The following TASOR2 variants were observed in gnomAD, a reference collection of about 807,000 sequenced individuals.
The protein encoded by TASOR2 is protein TASOR 2.
TASOR2 carries 84 observed loss-of-function variants against 199.5 expected under a neutral mutation model. That is an observed-to-expected ratio of 0.42 (90% CI 0.35 to 0.50). The LOEUF (loss-of-function observed/expected upper bound fraction) is 0.50, where lower values mean the gene tolerates loss of function less well. TASOR2 is among the 20% of genes least tolerant of loss of function. The pLI is 0.02. For missense variants in TASOR2, 2,796 were observed against 2,835.9 expected (o/e 0.99, Z 0.32); for synonymous variants, 1,103 against 1,046.6 (o/e 1.05, Z -1.04).
At chr10:5,736,697 A>G (rs953631205) in intron 12 of TASOR2, among the ~76,000 whole-genome samples, 1 of 152,228 alleles carries the variant, frequency 6.6e-6, no homozygotes, top group Non-Finnish European at 1.5e-5. Flanking sequence ...CCTCTGTACT[A>G]GAAAGTTTTG....
At chr10:5,729,256 C>T (rs1834473148) in intron 10 of TASOR2, among the ~76,000 whole-genome samples, 1 of 152,128 alleles carries the variant, frequency 6.6e-6, no homozygotes, top group Admixed American at 6.6e-5. Flanking sequence ...GACTGAGACA[C>T]AGAATTGCTT....
Position 5,722,777 on chromosome 10 carries a change from G to T in TASOR2, c.147-900G>T, listed in dbSNP as rs1833539171. Among the ~76,000 whole-genome samples the T allele has an allele frequency of 6.6e-6, 1 of 152,196 alleles. No homozygotes were observed. Among genetic ancestry groups the T allele is most frequent in the East Asian group, 2.0e-4 (1 of 5,122 alleles). On this transcript the variant is annotated intron_variant, in intron 6 of 20. Transcript: ENST00000328090. This position sits in a 1 kb window ranked among gnomAD's most constrained non-coding sequence, Gnocchi z 4.0. ...AGTCCCAGCACTTTGGGAGGCCGAG[G>T]TGAGCAGATTGCCTGAGGTCAGGAG...
At chr10:5,702,406 G>A (rs1355341838) in intron 1 of TASOR2, among the ~76,000 whole-genome samples, 1 of 152,074 alleles carries the variant, frequency 6.6e-6, no homozygotes, top group Admixed American at 6.5e-5. Flanking sequence ...TTGGCCTGTA[G>A]TTTTCTCTTC....
intron 7 of TASOR2, 66 bp from the exon 9 acceptor site, chr10:5,724,364 C>A: frequency 4.2e-6 from 3 of 721,584 alleles, no homozygotes; most frequent in Non-Finnish European, 6.5e-6. Flanking sequence ...ATAAAATGAA[C>A]AAATTGACTG....
chr10:5,758,280 T>G (rs1450725494), intron 17 of TASOR2, among the ~76,000 whole-genome samples: 1 of 152,142 alleles, frequency 6.6e-6, no homozygotes, highest in Non-Finnish European at 1.5e-5. Context: ...TAGGCACACG[T>G]CTGTAATCCC....
At chr10:5,696,790 G>T (rs181777966) in intron 1 of TASOR2, among the ~76,000 whole-genome samples, 2 of 152,166 alleles carry the variant, frequency 1.3e-5, no homozygotes, top group East Asian at 3.9e-4. Flanking sequence ...ATTTACTTCA[G>T]GGAACAGAAG....
chr10:5,695,316 T>C (rs1021572245), intron 1 of TASOR2, among the ~76,000 whole-genome samples: 13 of 152,222 alleles, frequency 8.5e-5, no homozygotes, highest in Non-Finnish European at 1.8e-4. Context: ...TTATAAATCA[T>C]GCAAGAAAAG....
chr10:5,700,282 T>A, intron 1 of TASOR2, among the ~76,000 whole-genome samples: 1 of 152,148 alleles, frequency 6.6e-6, no homozygotes, highest in Admixed American at 6.5e-5. Context: ...ATTTTTTTTT[T>A]ATGGCTGAAT....
Position 5,742,664 on chromosome 10 carries a change from C to A in TASOR2, c.2757+138C>A. On this transcript the variant is annotated intron_variant, in intron 14 of 20. Coordinates refer to ENST00000328090, the Ensembl canonical transcript of TASOR2. The surrounding 1 kb of genome is among the most constrained non-coding windows in gnomAD (Gnocchi z 4.2). Reference sequence around the variant, plus strand: ...TCAAGGTATGTAAAGAACTATTACACCAAAAACCTAGTTTTCATGAAGTGT... The same window carrying A: ...TCAAGGTATGTAAAGAACTATTACAACAAAAACCTAGTTTTCATGAAGTGT... The A allele has an allele frequency of 1.3e-6, 1 of 787,472 alleles. No individual in the cohort carries two copies. Among genetic ancestry groups the A allele is most frequent in the South Asian group, 1.9e-5 (1 of 53,798 alleles). The allele number at this position is 787,472 out of a possible 1,614,324, so 48.8% of individuals were successfully genotyped here.
rs1835860872 is a variant in TASOR2 at position 5,737,991 on chromosome 10, C to G, written c.1448-1627C>G. Reference sequence around the variant, plus strand: ...TACATTTAAATCTCTGAATTTTTTTCTTAAGCACCTATGTTAATCATTTTA... The same window carrying G: ...TACATTTAAATCTCTGAATTTTTTTGTTAAGCACCTATGTTAATCATTTTA... On this transcript the variant is annotated intron_variant, in intron 12 of 20. Coordinates refer to ENST00000328090, the Ensembl canonical transcript of TASOR2. This position sits in a 1 kb window ranked among gnomAD's most constrained non-coding sequence, Gnocchi z 4.9. Among the ~76,000 whole-genome samples the G allele has an allele frequency of 6.6e-6, 1 of 152,124 alleles. No homozygotes were observed. Among genetic ancestry groups the G allele is most frequent in the African/African-American group, 2.4e-5 (1 of 41,438 alleles).
At chr10:5,721,616 A>T (rs1833368421) in intron 6 of TASOR2, among the ~76,000 whole-genome samples, 1 of 152,200 alleles carries the variant, frequency 6.6e-6, no homozygotes, top group Admixed American at 6.5e-5. Flanking sequence ...GTGAATAAGC[A>T]AATAGAGAAG....
chr10:5,717,753 A>T lies in TASOR2; in HGVS notation c.-100+3A>T. 8.9e-7 allele frequency: 1 copy of T among 1,127,280 alleles called. No homozygotes were observed. The highest frequency in any genetic ancestry group is 1.1e-6 in the Non-Finnish European group (1 of 892,302). 69.8% of individuals were successfully genotyped at this position (1,127,280 alleles called of 1,614,324 possible). A position where few individuals can be genotyped will look rare whatever the true frequency, so the allele number is the denominator to read the frequency against. On this transcript the variant is annotated splice_donor_region_variant and intron_variant, in intron 3 of 20. Transcript: ENST00000328090. The stretch of plus-strand genomic sequence containing the variant: ...TTGTAATTTTTAATATAATTAAGGT[A>T]AAGCTTAAATGTGCTGTTACGTGAT...
intron 15 of TASOR2, among the ~76,000 whole-genome samples, chr10:5,755,002 C>T (rs546452298): frequency 2.7e-4 from 38 of 142,470 alleles, no homozygotes; most frequent in African/African-American, 7.6e-4. Context: ...GCCGAGATCG[C>T]GCCACTGCAC....
chr10:5,763,728 C>T (rs1840218136), exon 21 of TASOR2: 1 of 152,080 alleles, frequency 6.6e-6, no homozygotes. Flanking sequence ...TAAATAAAGA[C>T]AACTAAAAAT....
intron 1 of TASOR2, among the ~76,000 whole-genome samples, chr10:5,700,891 G>A (rs1364958517): frequency 4.0e-5 from 6 of 151,562 alleles, no homozygotes; most frequent in Non-Finnish European, 7.4e-5. Flanking sequence ...TAATCTTTTG[G>A]CGGGTGAGTA....
intron 20 of TASOR2, 26 bp downstream of exon 21, chr10:5,762,672 C>CT: frequency 9.2e-7 from 1 of 1,084,364 alleles, no homozygotes; most frequent in Non-Finnish European, 1.4e-6. Flanking sequence ...ATGTAACTTT[C>CT]CCATGTGAGT....
At position 5,746,009 on chromosome 10, in the gene TASOR2, G is replaced by A. The variant is rs79079061; in HGVS notation, c.2758-170G>A. Among the ~76,000 whole-genome samples, 141 of 152,270 alleles carry A rather than the reference G, an allele frequency of 9.3e-4. 3 individuals are homozygous for A. In the East Asian group the frequency reaches 0.024, roughly 26 times the overall value. ...GTATTTTAAGTCTGCCTTTAAAAGA[G>A]GGACTTGCTTGATTTGTACCCTGTG... On this transcript the variant is annotated intron_variant, in intron 14 of 20. Coordinates refer to ENST00000328090, the Ensembl canonical transcript of TASOR2.
intron 19 of TASOR2, 107 bp from the exon 21 acceptor site, chr10:5,762,424 CT>C (rs1335049599): frequency 2.3e-5 from 10 of 431,646 alleles, no homozygotes; most frequent in African/African-American, 1.0e-4. Context: ...CCCCCTACCC[CT>C]CACACGAGGA....
At chr10:5,736,146 C>T (rs562902760) in intron 12 of TASOR2, among the ~76,000 whole-genome samples, 21 of 152,118 alleles carry the variant, frequency 1.4e-4, no homozygotes, top group African/African-American at 4.6e-4. Flanking sequence ...TTTGGCCAGG[C>T]GCGGTGTCTC....
Sources: allele counts gnomAD v4.1 joint callset (sites outside exome capture counted in the v4.1 genomes callset), GRCh38; gene constraint gnomAD v4.1.1; non-coding constraint Gnocchi (gnomAD v3.1); transcripts MANE v1.5; gene names NCBI Gene and HGNC (gene_info 2026-07-23, HGNC 2026-07-21).